The following DPP10 variants were observed in gnomAD, a reference collection of about 807,000 sequenced individuals.
DPP10 encodes dipeptidyl peptidase like 10.
A neutral mutation model predicts 120.9 loss-of-function variants in DPP10; 33 were observed. The ratio of observed to expected loss-of-function variants is 0.27; its 90% CI spans 0.21 to 0.37. The LOEUF is 0.37. Among genes scored for constraint, DPP10 ranks in the 10% least tolerant of loss-of-function variants. The pLI is 1.00. For synonymous variants in DPP10, 337 were observed against 326.1 expected, an observed-to-expected ratio of 1.03 and a Z score of -0.36; for missense variants, 816 against 942.8, an observed-to-expected ratio of 0.87 and a Z score of 1.76.
intron 7 of DPP10, among the ~76,000 whole-genome samples, chr2:115,705,003 T>A (rs1282263143): frequency 6.6e-6 from 1 of 151,962 alleles, no homozygotes; most frequent in Non-Finnish European, 1.5e-5. Context: ...ATGTAATGTT[T>A]AGGTAATTCT....
At chr2:115,596,603 G>A (rs1558902163) in intron 5 of DPP10, among the ~76,000 whole-genome samples, 1 of 152,058 alleles carries the variant, frequency 6.6e-6, no homozygotes, top group Non-Finnish European at 1.5e-5. Context: ...TATTAGCTAG[G>A]CAACCCCAAA....
intron 1 of DPP10, among the ~76,000 whole-genome samples, chr2:114,872,000 G>T (rs1690725722): frequency 6.6e-6 from 1 of 152,166 alleles, no homozygotes; most frequent in South Asian, 2.1e-4. Flanking sequence ...TAGAACTGAG[G>T]CAGTGATGCT....
intron 1 of DPP10, among the ~76,000 whole-genome samples, chr2:115,102,679 G>T (rs1268178205): frequency 1.3e-5 from 2 of 151,880 alleles, no homozygotes; most frequent in African/African-American, 2.4e-5. Flanking sequence ...AAGGTGCCGG[G>T]ATTAGAGGCG....
intron 5 of DPP10, among the ~76,000 whole-genome samples, chr2:115,686,126 TC>T (rs1488794191): frequency 6.6e-6 from 1 of 151,958 alleles, no homozygotes; most frequent in African/African-American, 2.4e-5. Context: ...GTTTTGAGGG[TC>T]TACTTAGTGA....
chr2:114,745,754 A>G (rs2106008977), intron 1 of DPP10, among the ~76,000 whole-genome samples: 1 of 152,330 alleles, frequency 6.6e-6, no homozygotes, highest in Middle Eastern at 3.4e-3. Context: ...CTTTAAATAC[A>G]AATCCAGAGA....
intron 1 of DPP10, among the ~76,000 whole-genome samples, chr2:115,134,737 A>G (rs1254549103): frequency 1.3e-5 from 2 of 151,410 alleles, no homozygotes; most frequent in South Asian, 2.1e-4. Flanking sequence ...GCATTTGTAG[A>G]AAAAAAAATG....
intron 13 of DPP10, among the ~76,000 whole-genome samples, chr2:115,776,191 G>A (rs1682071464): frequency 6.6e-6 from 1 of 152,046 alleles, no homozygotes; most frequent in Non-Finnish European, 1.5e-5. Flanking sequence ...TGGGGTACAT[G>A]TGCAGAAGGT....
chr2:115,147,176 T>C (rs1376517035), intron 1 of DPP10, among the ~76,000 whole-genome samples: 1 of 149,802 alleles, frequency 6.7e-6, no homozygotes, highest in African/African-American at 2.4e-5. Context: ...GCATATATAG[T>C]GTGTGTATAT....
intron 1 of DPP10, among the ~76,000 whole-genome samples, chr2:114,945,463 G>T (rs1305432471): frequency 6.6e-6 from 1 of 152,128 alleles, no homozygotes; most frequent in African/African-American, 2.4e-5. Flanking sequence ...TACACAGAGG[G>T]CAGGTAAGCA....
At chr2:114,856,509 C>T (rs1297754685) in intron 1 of DPP10, among the ~76,000 whole-genome samples, 8 of 152,030 alleles carry the variant, frequency 5.3e-5, no homozygotes, top group Non-Finnish European at 1.2e-4. Flanking sequence ...TCCAAATGTT[C>T]ATTAACATTA....
At chr2:115,355,846 G>C (rs1251410774) in intron 3 of DPP10, among the ~76,000 whole-genome samples, 1 of 152,138 alleles carries the variant, frequency 6.6e-6, no homozygotes, top group Non-Finnish European at 1.5e-5. Flanking sequence ...TGTCAGGTTT[G>C]TAAAAGATCA....
intron 1 of DPP10, among the ~76,000 whole-genome samples, chr2:115,226,894 G>A (rs2057461132): frequency 6.6e-6 from 1 of 152,030 alleles, no homozygotes; most frequent in Non-Finnish European, 1.5e-5. Context: ...ATTTCCATGA[G>A]GCATATGGTT....
intron 1 of DPP10, among the ~76,000 whole-genome samples, chr2:114,791,554 A>G (rs1683243679): frequency 6.6e-6 from 1 of 152,136 alleles, no homozygotes; most frequent in African/African-American, 2.4e-5. Flanking sequence ...GCTTTCACGT[A>G]AAAGTTGGTT....
rs1206908457 is a variant in DPP10, at chr2:114,483,585, A to T, written c.60+40747A>T. 3.9e-5 allele frequency among the ~76,000 whole-genome samples: 6 copies of T among 152,242 alleles called. No homozygotes were observed. In the East Asian group the frequency reaches 1.2e-3, roughly 29 times the overall value. On this transcript the variant is annotated intron_variant, in intron 1 of 25. Coordinates refer to ENST00000410059, the MANE Select transcript of DPP10 (RefSeq NM_020868.6). ...AGAAAGCCAGAACTTTCAAAATAAA[A>T]ATAAAAATGTTGACAAAGATTATCA...
At chr2:115,418,962 G>A (rs953721857) in intron 3 of DPP10, among the ~76,000 whole-genome samples, 2 of 152,102 alleles carry the variant, frequency 1.3e-5, no homozygotes, top group African/African-American at 2.4e-5. Context: ...TCAGTCTTTT[G>A]TATTAAGGCC....
chr2:115,105,309 T>C (rs1371999217), intron 1 of DPP10, among the ~76,000 whole-genome samples: 1 of 152,182 alleles, frequency 6.6e-6, no homozygotes, highest in Admixed American at 6.5e-5. Flanking sequence ...CTTATTTGGC[T>C]CATGGTTCTG....
chr2:115,312,183 A>C (rs2061606348), intron 2 of DPP10, among the ~76,000 whole-genome samples: 1 of 152,178 alleles, frequency 6.6e-6, no homozygotes, highest in Non-Finnish European at 1.5e-5. Context: ...ATAATGCTGG[A>C]GTGGAAAAGG....
chr2:115,170,884 C>T (rs1179599672), intron 1 of DPP10, among the ~76,000 whole-genome samples: 1 of 152,136 alleles, frequency 6.6e-6, no homozygotes, highest in Non-Finnish European at 1.5e-5. Flanking sequence ...TGATGAGTGG[C>T]TCATTATTAC....
rs150440216 is a variant in DPP10, at chr2:114,655,317, G to A, written c.60+212479G>A. On this transcript the variant is annotated intron_variant, in intron 1 of 25. Transcript: ENST00000410059. ...ATAATAAGAAAGTTAGTTACCTACC[G>A]TGATACTACACTAACCCTTGAAAAA... 1.7e-3 allele frequency among the ~76,000 whole-genome samples: 262 copies of A among 152,166 alleles called. 1 individual carries two copies. The highest frequency in any genetic ancestry group is 5.9e-3 in the African/African-American group (247 of 41,518).
Sources: gnomAD v4.1 joint callset for allele counts (sites outside exome capture counted in the v4.1 genomes callset) on GRCh38, gnomAD v4.1.1 for gene constraint, MANE v1.5 for transcripts, NCBI Gene and HGNC (gene_info 2026-07-23, HGNC 2026-07-21) for gene names.